The following DNM3 variants were observed in gnomAD, a reference collection of about 807,000 sequenced individuals.
DNM3 encodes the protein dynamin-3.
DNM3 carries 47 observed loss-of-function variants against 101.6 expected under a neutral mutation model. That is an observed-to-expected ratio of 0.46 (90% CI 0.37 to 0.59). DNM3 has a LOEUF of 0.59. DNM3 is among the 20% of genes least tolerant of loss of function. The pLI is 0.00. For synonymous variants in DNM3, 385 were observed against 387.9 expected, an observed-to-expected ratio of 0.99 and a Z score of 0.09; for missense variants, 849 against 1,085.7, an observed-to-expected ratio of 0.78 and a Z score of 3.06.
chr1:172,325,114 C>T (rs185117268), intron 17 of DNM3, among the ~76,000 whole-genome samples: 1 of 152,254 alleles, frequency 6.6e-6, no homozygotes, highest in East Asian at 1.9e-4. Context: ...TTAAGTTCTT[C>T]TGGATCCAAA....
At chr1:171,943,983 GA>G (rs1020601220) in intron 2 of DNM3, among the ~76,000 whole-genome samples, 26 of 151,236 alleles carry the variant, frequency 1.7e-4, no homozygotes, top group African/African-American at 5.8e-4. Flanking sequence ...TATATTTTAA[GA>G]AAAAAAAAGT....
chr1:171,851,036 G>A (rs1212950302), intron 1 of DNM3, among the ~76,000 whole-genome samples: 4 of 152,180 alleles, frequency 2.6e-5, no homozygotes, highest in African/African-American at 9.7e-5. Context: ...TGTTCAAAGT[G>A]TGCCACAGGT....
At chr1:172,199,068 C>T (rs756779563) in intron 14 of DNM3, among the ~76,000 whole-genome samples, 5 of 152,160 alleles carry the variant, frequency 3.3e-5, no homozygotes, top group Non-Finnish European at 7.4e-5. Context: ...TCCCTCTTAA[C>T]GCAGGCTTGG....
intron 14 of DNM3, among the ~76,000 whole-genome samples, chr1:172,196,434 T>C (rs1364934644): frequency 6.6e-6 from 1 of 152,090 alleles, no homozygotes; most frequent in African/African-American, 2.4e-5. Context: ...GTAATGGGAT[T>C]GCTAGGTCAA....
chr1:172,392,146 C>T (rs1372823849), intron 20 of DNM3, among the ~76,000 whole-genome samples: 1 of 152,156 alleles, frequency 6.6e-6, no homozygotes, highest in Non-Finnish European at 1.5e-5. Flanking sequence ...GCTGCTCAAG[C>T]TGTTCTGGTT....
intron 14 of DNM3, among the ~76,000 whole-genome samples, chr1:172,152,420 T>C (rs756611037): frequency 2.6e-5 from 4 of 152,168 alleles, no homozygotes; most frequent in Non-Finnish European, 5.9e-5. Context: ...TTTTGCCCTA[T>C]GTACTTCGTA....
At chr1:171,982,794 T>G (rs2044907867) in intron 2 of DNM3, among the ~76,000 whole-genome samples, 1 of 152,156 alleles carries the variant, frequency 6.6e-6, no homozygotes, top group Non-Finnish European at 1.5e-5. Context: ...AACCACATAG[T>G]TAACCAGTAA....
At chr1:171,860,037 AT>A (rs1198392850) in intron 1 of DNM3, among the ~76,000 whole-genome samples, 15 of 152,056 alleles carry the variant, frequency 9.9e-5, no homozygotes, top group Non-Finnish European at 2.2e-4. Context: ...CCAAAAATAG[AT>A]TTTATCCAGA....
intron 14 of DNM3, among the ~76,000 whole-genome samples, chr1:172,227,330 G>A (rs1364985512): frequency 7.8e-6 from 1 of 127,450 alleles, no homozygotes; most frequent in Non-Finnish European, 1.6e-5. Context: ...CCACTCGTCA[G>A]ATGATGGCCA....
chr1:172,193,949 T>C (rs906182917), intron 14 of DNM3, among the ~76,000 whole-genome samples: 1 of 152,200 alleles, frequency 6.6e-6, no homozygotes, highest in Non-Finnish European at 1.5e-5. Flanking sequence ...TTAATTGTGA[T>C]GTTAGGGTGT....
At chr1:172,321,995 G>T (rs1281523578) in intron 16 of DNM3, among the ~76,000 whole-genome samples, 5 of 151,874 alleles carry the variant, frequency 3.3e-5, no homozygotes, top group African/African-American at 4.8e-5. Context: ...GGGTGTTAAC[G>T]GTTATATCAC....
chr1:171,884,527 C>A (rs944879856), intron 1 of DNM3, among the ~76,000 whole-genome samples: 3 of 152,182 alleles, frequency 2.0e-5, no homozygotes, highest in African/African-American at 7.2e-5. Context: ...CAATAAGCCA[C>A]CCCAAAACTT....
chr1:172,194,155 A>T (rs952320357), intron 14 of DNM3, among the ~76,000 whole-genome samples: 1 of 152,090 alleles, frequency 6.6e-6, no homozygotes, highest in Non-Finnish European at 1.5e-5. Context: ...TTCAGTTTCC[A>T]TGTAGTTGAG....
chr1:172,007,040 A>G (rs945662420), intron 4 of DNM3, among the ~76,000 whole-genome samples: 3 of 152,024 alleles, frequency 2.0e-5, no homozygotes, highest in Non-Finnish European at 4.4e-5. Flanking sequence ...AATATACCAT[A>G]TTCTGTCTTC....
intron 1 of DNM3, among the ~76,000 whole-genome samples, chr1:171,916,964 T>A (rs1215612198): frequency 6.6e-6 from 1 of 152,210 alleles, no homozygotes; most frequent in Non-Finnish European, 1.5e-5. Context: ...TCTCAGATAT[T>A]GTTTCTGGCA....
rs2048190709 is a variant in DNM3 at position 172,026,202 on chromosome 1, AT to A, written c.590-6199del. Among the ~76,000 whole-genome samples the A allele has an allele frequency of 1.3e-5, 2 of 152,094 alleles. 1 individual carries two copies. The highest frequency in any genetic ancestry group is 4.1e-4 in the South Asian group (2 of 4,832). On this transcript the variant is annotated intron_variant, in intron 4 of 20. Transcript: ENST00000627582. The stretch of plus-strand genomic sequence containing the variant: ...CCAAATCAATCAAGCGGAAGAAAGG[AT>A]ATCAGAGATTGAAGATCATCTTAAT...
intron 14 of DNM3, among the ~76,000 whole-genome samples, chr1:172,190,576 T>G (rs1407059083): frequency 2.0e-5 from 3 of 152,118 alleles, no homozygotes; most frequent in Non-Finnish European, 4.4e-5. Context: ...TTCTAGATCC[T>G]TGAGGAATTG....
At chr1:172,002,954 G>A (rs1415064167) in intron 4 of DNM3, among the ~76,000 whole-genome samples, 1 of 152,042 alleles carries the variant, frequency 6.6e-6, no homozygotes, top group East Asian at 1.9e-4. Context: ...CTGTAAAGAC[G>A]CTGCTTGAAG....
intron 1 of DNM3, among the ~76,000 whole-genome samples, chr1:171,847,894 C>G (rs56261149): frequency 0.59 from 81,123 of 138,050 alleles, 23,019 homozygotes; most frequent in East Asian, 0.79. Flanking sequence ...CTCTCTCTCT[C>G]TCTGTGTGTG....
Sources: gnomAD v4.1 joint callset for allele counts (sites outside exome capture counted in the v4.1 genomes callset) on GRCh38, gnomAD v4.1.1 for gene constraint, MANE v1.5 for transcripts, NCBI Gene and HGNC (gene_info 2026-07-23, HGNC 2026-07-21) for gene names.